DCLRE1C: variants seen among roughly 807,000 people sequenced by gnomAD.
DCLRE1C encodes the protein protein artemis.
Under a neutral mutation model 61.4 loss-of-function variants are expected in DCLRE1C, and 47 were observed. The observed-to-expected ratio is 0.77, with a 90% confidence interval of 0.61 to 0.98. The LOEUF (loss-of-function observed/expected upper bound fraction) is 0.98. Ranked by LOEUF, DCLRE1C falls within the 50% of genes least tolerant of loss-of-function variation. The pLI, the probability that DCLRE1C is intolerant of heterozygous loss-of-function variation, is 0.00. For synonymous variants in DCLRE1C, 337 were observed against 287.6 expected, an observed-to-expected ratio of 1.17 and a Z score of -1.74; for missense variants, 858 against 816.0, an observed-to-expected ratio of 1.05 and a Z score of -0.63.
chr10:14,905,568 C>G lies in DCLRE1C; in HGVS notation c.*2840G>C, dbSNP rs1834323716. On this transcript the variant is annotated 3_prime_UTR_variant, in exon 14 of 14. Transcript: ENST00000378278. ...ACTTTTTAAAGTATTTAATCTTCGG[C>G]TTCAGGCAGACTTTTTAAAAAACTA... Among the ~76,000 whole-genome samples, 1 of 152,244 alleles carries G rather than the reference C, an allele frequency of 6.6e-6. No homozygotes were observed. Among genetic ancestry groups the G allele is most frequent in the Non-Finnish European group, 1.5e-5 (1 of 68,038 alleles).
rs115431101 is a variant in DCLRE1C, at chr10:14,932,654, T to A, written c.780+200A>T. Reference sequence around the variant, plus strand: ...CCATCTCAAAAAAAAAAAGTACAGATCTGTGTCTATTTACTAGTGACGAAA... The same window carrying A: ...CCATCTCAAAAAAAAAAAGTACAGAACTGTGTCTATTTACTAGTGACGAAA... On this transcript the variant is annotated intron_variant, in intron 9 of 13. Transcript: ENST00000378278. Among the ~76,000 whole-genome samples the A allele has an allele frequency of 3.5e-3, 532 of 151,806 alleles. 3 individuals carry two copies. Among genetic ancestry groups the A allele is most frequent in the African/African-American group, 0.012 (508 of 41,386 alleles).
intron 3 of DCLRE1C, among the ~76,000 whole-genome samples, chr10:14,941,573 C>T (rs1365192691): frequency 6.6e-6 from 1 of 152,210 alleles, no homozygotes; most frequent in Non-Finnish European, 1.5e-5. Flanking sequence ...ACATGAGAGC[C>T]CCCAAGCCTA....
rs147926753 is a variant in DCLRE1C at position 14,912,464 on chromosome 10, G to A, written c.1157-3134C>T. 1.2e-4 allele frequency among the ~76,000 whole-genome samples: 18 copies of A among 152,248 alleles called. No individual in the cohort carries two copies. In the East Asian group the frequency reaches 1.7e-3, roughly 15 times the overall value. ...GAAATAAAACCCAACAGAAAGATAC[G>A]TAAAGACTTGTACTCAAATTTTCAT... is the stretch of plus-strand genomic sequence containing the variant. On this transcript the variant is annotated intron_variant, in intron 13 of 13. Transcript: ENST00000378278.
rs756583993 is a variant in DCLRE1C, at chr10:14,935,491, T to C, written c.436A>G (p.Arg146Gly). ...CCCCCGGAGTGCAGAAGCTCCATTC[T>C]AGCAGCTTCTCCTTGCGCCAATCTG... ...DFRLAQGEAA[R>G]MELLHSGGRV... Residue 146 changes from arginine to glycine, a missense_variant, in exon 6 of 14, where the codon AGA (arginine) becomes GGA (glycine). Transcript: ENST00000378278. 23 of 1,613,966 alleles carry C rather than the reference T, an allele frequency of 1.4e-5. No homozygotes were observed. Among genetic ancestry groups the C allele is most frequent in the Non-Finnish European group, 1.9e-5 (23 of 1,179,976 alleles).
At chr10:14,951,194 C>A (rs1842402560) in intron 1 of DCLRE1C, among the ~76,000 whole-genome samples, 1 of 151,872 alleles carries the variant, frequency 6.6e-6, no homozygotes, top group African/African-American at 2.4e-5. Context: ...GCCTGGGCAA[C>A]ATGGGGAAAT....
rs41300648 is a variant in DCLRE1C at position 14,918,565 on chromosome 10, T to A, written c.1156+1173A>T. Among the ~76,000 whole-genome samples the A allele has an allele frequency of 8.2e-3, 1,245 of 151,632 alleles. 23 individuals are homozygous for A. The highest frequency in any genetic ancestry group is 0.028 in the African/African-American group (1,165 of 41,262). On this transcript the variant is annotated intron_variant, in intron 13 of 13. Coordinates refer to ENST00000378278, the MANE Select transcript of DCLRE1C (RefSeq NM_001033855.3). ...CTCAAGTATATGCATATACAAAAAA[T>A]TTATCAAATTGTACACCTTACATGT...
rs145260406 is a variant in DCLRE1C, at chr10:14,950,758, T to C, written c.110-1671A>G. ...AGGCAGCACCCTGCATGGTGCATCA[T>C]GGTCCCCCATCCTCACCACCCTGAG... On this transcript the variant is annotated intron_variant, in intron 1 of 13. Coordinates refer to ENST00000378278, the MANE Select transcript of DCLRE1C (RefSeq NM_001033855.3). Among the ~76,000 whole-genome samples, 592 of 152,348 alleles carry C rather than the reference T, an allele frequency of 3.9e-3. 2 individuals carry two copies. Among genetic ancestry groups the C allele is most frequent in the African/African-American group, 0.013 (557 of 41,570 alleles).
chr10:14,933,098 C>T, intron 8 of DCLRE1C, 143 bp from the exon 9 acceptor site: 6 of 891,188 alleles, frequency 6.7e-6, no homozygotes, highest in Non-Finnish European at 8.9e-6. Flanking sequence ...CTATTCAGTG[C>T]ACTCTGGTAT....
chr10:14,946,111 C>T (rs1325381617), intron 2 of DCLRE1C, among the ~76,000 whole-genome samples: 2 of 151,502 alleles, frequency 1.3e-5, no homozygotes, highest in Non-Finnish European at 1.5e-5. Flanking sequence ...CGGGTTCAAG[C>T]GATTCTCCTG....
At chr10:14,934,097 G>A (rs1415838275) in intron 8 of DCLRE1C, among the ~76,000 whole-genome samples, 2 of 152,060 alleles carry the variant, frequency 1.3e-5, no homozygotes, top group East Asian at 3.9e-4. Context: ...GGAGGCCGAG[G>A]CAGGCAGATA....
intron 1 of DCLRE1C, among the ~76,000 whole-genome samples, chr10:14,950,411 A>G (rs1439366909): frequency 2.6e-5 from 4 of 151,880 alleles, no homozygotes; most frequent in African/African-American, 7.3e-5. Context: ...AACCAAACCA[A>G]TTCTAATTAC....
chr10:14,899,004 A>G (rs904921988), exon 14 of DCLRE1C: 15 of 519,662 alleles, frequency 2.9e-5, no homozygotes, highest in Non-Finnish European at 4.8e-5. Context: ...AAAGTAATGC[A>G]GTGTTCCAAT....
chr10:14,910,885 A>G (rs1278895967), intron 13 of DCLRE1C, among the ~76,000 whole-genome samples: 2 of 152,240 alleles, frequency 1.3e-5, no homozygotes, highest in Non-Finnish European at 2.9e-5. Context: ...AATAAGACAC[A>G]GATGAGTCCT....
chr10:14,944,076 T>C (rs1466076462), intron 3 of DCLRE1C, among the ~76,000 whole-genome samples: 1 of 152,186 alleles, frequency 6.6e-6, no homozygotes, highest in Non-Finnish European at 1.5e-5. Context: ...CTGTCATCCC[T>C]TCCTTATGAC....
rs191042274 is a variant in DCLRE1C, at chr10:14,907,616, T to G, written c.*792A>C. ...CATATACGTTTAGGATTATTTTGTCTTCTTGGTGAACTAGACCTTTTATCA... is the reference window on the plus strand; with the variant it reads ...CATATACGTTTAGGATTATTTTGTCGTCTTGGTGAACTAGACCTTTTATCA... On this transcript the variant is annotated 3_prime_UTR_variant, in exon 14 of 14. Transcript: ENST00000378278. Among the ~76,000 whole-genome samples the G allele has an allele frequency of 2.9e-3, 445 of 152,272 alleles. 7 individuals carry two copies. The highest frequency in any genetic ancestry group is 0.027 in the Admixed American group (410 of 15,286).
chr10:14,934,260 G>A, intron 8 of DCLRE1C, 120 bp downstream of exon 8: 2 of 1,409,770 alleles, frequency 1.4e-6, no homozygotes, highest in Non-Finnish European at 1.9e-6. Context: ...CCCGGGAGGT[G>A]GAGGCTGCAG....
At chr10:14,954,177 G>T, upstream of DCLRE1C, 2 of 1,211,992 alleles carry the variant, frequency 1.7e-6, no homozygotes, top group Non-Finnish European at 2.3e-6. Context: ...AAGTCAAGGA[G>T]CATCCGGTCG....
At chr10:14,942,506 AAC>A (rs988479222) in intron 3 of DCLRE1C, 1 of 152,244 alleles carries the variant, frequency 6.6e-6, no homozygotes. Flanking sequence ...CATGCACACA[AAC>A]ACACGTGCAC....
intron 2 of DCLRE1C, among the ~76,000 whole-genome samples, chr10:14,947,800 C>G (rs1430888399): frequency 6.6e-6 from 1 of 152,176 alleles, no homozygotes; most frequent in African/African-American, 2.4e-5. Flanking sequence ...TGGCTCATGC[C>G]TGTAATCCCA....
Sources: allele counts gnomAD v4.1 joint callset (sites outside exome capture counted in the v4.1 genomes callset), GRCh38; gene constraint gnomAD v4.1.1; transcripts MANE v1.5; gene names NCBI Gene and HGNC (gene_info 2026-07-23, HGNC 2026-07-21).